Variants in TSHZ3 observed in about 807,000 individuals in gnomAD.
TSHZ3 encodes teashirt zinc finger homeobox 3.
TSHZ3 carries 10 observed loss-of-function variants against 64.5 expected under a neutral mutation model. The observed-to-expected ratio is 0.16, with a 90% CI of 0.10 to 0.26. The LOEUF is 0.26. Among genes scored for constraint, TSHZ3 ranks in the 10% least tolerant of loss-of-function variants. TSHZ3 has a pLI of 1.00. For synonymous variants in TSHZ3, 608 were observed against 593.1 expected (o/e 1.03, Z -0.36); for missense variants, 1,242 against 1,421.7 (o/e 0.87, Z 2.03).
At chr19:31,179,672 G>T (rs1439668991) in intron 5 of TSHZ3, among the ~76,000 whole-genome samples, 1 of 151,974 alleles carries the variant, frequency 6.6e-6, no homozygotes, top group Non-Finnish European at 1.5e-5. Context: ...TGATGATGGT[G>T]GTGGTAAGAG....
Position 31,276,963 on chromosome 19 carries a change from T to C in TSHZ3, c.2830A>G (p.Thr944Ala), listed in dbSNP as rs1599619044. ...TTGGCCAGCCAGTGGCTGATGGTGG[T>C]CATGGACAGCCCGGTGAACCTGGAG... is the stretch of plus-strand genomic sequence containing the variant. ...HISRFTGLSM[T>A]TISHWLANVK... Residue 944 changes from threonine (T) to alanine (A), a missense_variant, in exon 2 of 2, where the codon ACC (threonine) becomes GCC (alanine). By Grantham distance (58) the Thr-to-Ala change is moderately conservative. Coordinates refer to ENST00000240587, the MANE Select transcript of TSHZ3 (RefSeq NM_020856.4). 1 of 1,614,088 alleles carries C rather than the reference T, an allele frequency of 6.2e-7. No individual in the cohort carries two copies.
At chr19:31,230,599 T>A (rs1975526058) in intron 3 of TSHZ3, among the ~76,000 whole-genome samples, 1 of 150,860 alleles carries the variant, frequency 6.6e-6, no homozygotes, top group Non-Finnish European at 1.5e-5. Flanking sequence ...TGGTCAGACC[T>A]AAATGCAGCT....
At chr19:31,340,335 G>T in intron 1 of TSHZ3, among the ~76,000 whole-genome samples, 1 of 29,276 alleles carries the variant, frequency 3.4e-5, no homozygotes, top group African/African-American at 1.7e-4. Flanking sequence ...CAGGCCTACA[G>T]TACAAAAAAA....
intron 5 of TSHZ3, among the ~76,000 whole-genome samples, chr19:31,161,880 A>G (rs1388664918): frequency 6.6e-6 from 1 of 152,252 alleles, no homozygotes; most frequent in Non-Finnish European, 1.5e-5. Flanking sequence ...ATGAAGAGGC[A>G]TGGCTCTGTT....
intron 6 of TSHZ3, among the ~76,000 whole-genome samples, chr19:31,152,283 CGTGT>C (rs3064806): frequency 0.02 from 2,972 of 146,712 alleles, 90 homozygotes; most frequent in African/African-American, 0.068. Flanking sequence ...TATATGTGAG[CGTGT>C]GTGTGTGTGT....
chr19:31,297,183 T>C (rs1302826101), intron 1 of TSHZ3, among the ~76,000 whole-genome samples: 2 of 152,148 alleles, frequency 1.3e-5, no homozygotes, highest in Non-Finnish European at 2.9e-5. Context: ...CGAGGCCAAC[T>C]GCCTCCTCCA....
chr19:31,281,309 C>A (rs1976357830), intron 1 of TSHZ3, among the ~76,000 whole-genome samples: 1 of 152,056 alleles, frequency 6.6e-6, no homozygotes, highest in African/African-American at 2.4e-5. Context: ...TCATTCCTTC[C>A]AGGACAGGTG....
rs1976289293 is a variant in TSHZ3, at chr19:31,278,259, A to T, written c.1534T>A (p.Leu512Ile). Residue 512 changes from leucine to isoleucine, a missense_variant, in exon 2 of 2, where the codon TTA becomes ATA. Leu to Ile is a conservative substitution (Grantham distance 5, BLOSUM62 2). Around this residue, in one of 4 missense-constraint regions of TSHZ3, gnomAD observed 555 missense variants for 704.0 expected, o/e 0.79. Transcript: ENST00000240587. This position sits in a 1 kb window ranked among gnomAD's most constrained non-coding sequence, Gnocchi z 4.7. ...AGCCCCCCCTTGGGACTCTCTTCTA[A>T]GTCATTTTCAGTCAAGTAATGGTAT... Reference protein sequence around the residue: ...SKYHYLTENDLEESPKGGLDI... With the variant: ...SKYHYLTENDIEESPKGGLDI... 1 of 1,614,000 alleles carries T rather than the reference A, an allele frequency of 6.2e-7. No individual in the cohort carries two copies.
At chr19:31,175,465 A>G (rs1314540162) in intron 5 of TSHZ3, among the ~76,000 whole-genome samples, 1 of 152,144 alleles carries the variant, frequency 6.6e-6, no homozygotes, top group Non-Finnish European at 1.5e-5. Flanking sequence ...TTTAGATAGA[A>G]TAATTGGTTT....
intron 1 of TSHZ3, among the ~76,000 whole-genome samples, chr19:31,335,440 T>C (rs1337348539): frequency 2.6e-5 from 4 of 152,190 alleles, no homozygotes; most frequent in Non-Finnish European, 5.9e-5. Context: ...TCTCAAGCCC[T>C]GGTCAGGCAT....
chr19:31,288,774 C>CTGG (rs1376894202), intron 1 of TSHZ3, among the ~76,000 whole-genome samples: 2 of 152,316 alleles, frequency 1.3e-5, no homozygotes, highest in African/African-American at 4.8e-5. Context: ...CTCCTGGCCT[C>CTGG]AAGTGATCCT....
At chr19:31,280,998 G>A (rs1356683219) in intron 1 of TSHZ3, among the ~76,000 whole-genome samples, 1 of 152,188 alleles carries the variant, frequency 6.6e-6, no homozygotes, top group African/African-American at 2.4e-5. Flanking sequence ...ACAATTTCAA[G>A]GTAAAGGAAA....
At chr19:31,335,400 C>T (rs559729752) in intron 1 of TSHZ3, among the ~76,000 whole-genome samples, 22 of 152,320 alleles carry the variant, frequency 1.4e-4, no homozygotes, top group Admixed American at 1.3e-3. Flanking sequence ...GGCCTCCTCC[C>T]CTGCCCGGAC....
intron 4 of TSHZ3, among the ~76,000 whole-genome samples, chr19:31,226,486 A>AT (rs1414937781): frequency 6.6e-6 from 1 of 152,082 alleles, no homozygotes; most frequent in African/African-American, 2.4e-5. Context: ...TTTTGCCATG[A>AT]TTGTGAGGCC....
At chr19:31,179,525 G>A (rs1317701477) in intron 5 of TSHZ3, among the ~76,000 whole-genome samples, 3 of 152,168 alleles carry the variant, frequency 2.0e-5, no homozygotes, top group African/African-American at 7.2e-5. Flanking sequence ...TTTGGAGGGG[G>A]GCAAACAGAG....
chr19:31,202,279 G>A (rs535070402), intron 5 of TSHZ3, among the ~76,000 whole-genome samples: 8 of 152,142 alleles, frequency 5.3e-5, no homozygotes, highest in Non-Finnish European at 1.2e-4. Flanking sequence ...AATCACTAAT[G>A]ACAACACCAA....
intron 5 of TSHZ3, among the ~76,000 whole-genome samples, chr19:31,198,008 A>G (rs1234693565): frequency 6.6e-6 from 1 of 152,110 alleles, no homozygotes; most frequent in Non-Finnish European, 1.5e-5. Context: ...AAAGTAAACT[A>G]CAAACCAAAA....
chr19:31,196,682 T>C (rs1568344460), intron 5 of TSHZ3, among the ~76,000 whole-genome samples: 1 of 151,934 alleles, frequency 6.6e-6, no homozygotes, highest in Non-Finnish European at 1.5e-5. Context: ...GCTATATTAA[T>C]TTCAGATAGA....
intron 5 of TSHZ3, among the ~76,000 whole-genome samples, chr19:31,186,330 G>A (rs1974809712): frequency 6.6e-6 from 1 of 152,170 alleles, no homozygotes; most frequent in African/African-American, 2.4e-5. Context: ...GGACCTGGTG[G>A]AAGGTAATAG....
Sources: gnomAD v4.1 joint callset for allele counts (sites outside exome capture counted in the v4.1 genomes callset) on GRCh38, gnomAD v4.1.1 for gene constraint, gnomAD v4.1.1 regional missense constraint, Gnocchi (gnomAD v3.1) non-coding constraint, MANE v1.5 for transcripts, NCBI Gene and HGNC (gene_info 2026-07-23, HGNC 2026-07-21) for gene names.